Variants in ZFYVE16 observed in about 807,000 individuals in gnomAD.
ZFYVE16 encodes the protein zinc finger FYVE domain-containing protein 16.
Under a neutral mutation model 138.1 loss-of-function variants are expected in ZFYVE16, and 89 were observed. The ratio of observed to expected loss-of-function variants is 0.64; its 90% CI spans 0.54 to 0.77. The LOEUF (loss-of-function observed/expected upper bound fraction) is 0.77. Among genes scored for constraint, ZFYVE16 ranks in the 30% least tolerant of loss-of-function variants. The pLI is 0.00. For missense variants in ZFYVE16, 1,793 were observed against 1,786.7 expected, an observed-to-expected ratio of 1.00 and a Z score of -0.06; for synonymous variants, 596 against 618.3, an observed-to-expected ratio of 0.96 and a Z score of 0.53.
rs575808806 is a variant in ZFYVE16, at chr5:80,420,822, G to A, written c.-93-6670G>A. Among the ~76,000 whole-genome samples, 43 of 152,306 alleles carry A rather than the reference G, an allele frequency of 2.8e-4. 2 individuals are homozygous for A. In the South Asian group the frequency reaches 8.1e-3, roughly 29 times the overall value. On this transcript the variant is annotated intron_variant, in intron 1 of 18. Coordinates refer to ENST00000505560, the MANE Select transcript of ZFYVE16 (RefSeq NM_001284236.3). ...TTGGGTATGTACCCAGTAATGGGAT[G>A]GCTGGGTCAAATGGTATTTCTAGTT... is the stretch of plus-strand genomic sequence containing the variant.
chr5:80,413,269 C>T (rs891568732), intron 1 of ZFYVE16, among the ~76,000 whole-genome samples: 1 of 151,888 alleles, frequency 6.6e-6, no homozygotes, highest in African/African-American at 2.4e-5. Context: ...GTCGGGAGTT[C>T]GAGACCAGCC....
chr5:80,428,500 T>C (rs1047099894), intron 2 of ZFYVE16, among the ~76,000 whole-genome samples: 4 of 151,914 alleles, frequency 2.6e-5, no homozygotes, highest in Non-Finnish European at 5.9e-5. Flanking sequence ...ACCACAAAGA[T>C]GGGGAAAAAA....
intron 1 of ZFYVE16, among the ~76,000 whole-genome samples, chr5:80,415,962 G>A (rs1308852809): frequency 1.3e-5 from 2 of 151,900 alleles, no homozygotes; most frequent in South Asian, 4.2e-4. Flanking sequence ...CACCACGCCC[G>A]GCCAACTTGC....
At chr5:80,468,819 A>G (rs910162754) in intron 15 of ZFYVE16, among the ~76,000 whole-genome samples, 1 of 151,954 alleles carries the variant, frequency 6.6e-6, no homozygotes, top group Non-Finnish European at 1.5e-5. Context: ...TTATCTGTCG[A>G]TTCTTTTAGA....
chr5:80,448,709 A>C lies in ZFYVE16; in HGVS notation c.3103+305A>C, dbSNP rs1462088376. Among the ~76,000 whole-genome samples the C allele has an allele frequency of 2.0e-5, 3 of 150,900 alleles. No individual in the cohort carries two copies. The East Asian group carries it at 5.8e-4, about 29-fold the overall frequency. On this transcript the variant is annotated intron_variant, in intron 8 of 18. Transcript: ENST00000505560. ...AGAATTTTGACACTGTATTATTACT[A>C]TTTTTTTTTAGGAGCATGATACCTA...
At chr5:80,435,047 G>GTTTC (rs1749677609) in intron 3 of ZFYVE16, among the ~76,000 whole-genome samples, 1 of 150,076 alleles carries the variant, frequency 6.7e-6, no homozygotes, top group Admixed American at 6.6e-5. Flanking sequence ...TTGTTTGTTT[G>GTTTC]TTTCTGAGAC....
At chr5:80,440,794 T>C (rs1362801673) in intron 5 of ZFYVE16, 1 of 985,038 alleles carries the variant, frequency 1.0e-6, no homozygotes, top group Admixed American at 6.2e-5. Context: ...TAGCAAATAT[T>C]ACTTGGGCCT....
intron 1 of ZFYVE16, among the ~76,000 whole-genome samples, chr5:80,426,272 G>GTA (rs200176812): frequency 0.014 from 378 of 26,408 alleles, 3 homozygotes; most frequent in East Asian, 0.023. Context: ...GTGTGTGTGT[G>GTA]TATATATATA....
chr5:80,445,349 T>A lies in ZFYVE16; in HGVS notation c.2668T>A (p.Ser890Thr). 6.2e-7 allele frequency: 1 copy of A among 1,614,006 alleles called. No individual in the cohort carries two copies. The highest frequency in any genetic ancestry group is 8.5e-7 in the Non-Finnish European group (1 of 1,179,946). The change falls in exon 7 of 19, where the codon TCT (serine) becomes ACT (threonine). Residue 890 changes from serine (S) to threonine (T), a missense_variant. This residue lies in a region of ZFYVE16 where 1,295 missense variants were observed against 1,204.3 expected (regional missense o/e 1.08). Transcript: ENST00000505560. ...GEVADTTKLS[S>T]GSKRCSEDFS... ...AGTTGCAGATACAACAAAATTATCATCTGGAAGTAAAAGATGTTCTGAAGA... is the reference window on the plus strand; with the variant it reads ...AGTTGCAGATACAACAAAATTATCAACTGGAAGTAAAAGATGTTCTGAAGA...
At chr5:80,454,913 T>C (rs1752365201) in intron 11 of ZFYVE16, 2 of 152,204 alleles carry the variant, frequency 1.3e-5, no homozygotes, top group African/African-American at 4.8e-5. Flanking sequence ...TAAAAGTCTT[T>C]AGTTCTTTGT....
At chr5:80,445,199 T>C (rs259034) in intron 6 of ZFYVE16, 64 bp from the exon 7 acceptor site, 1 of 1,563,262 alleles carries the variant, frequency 6.4e-7, no homozygotes, top group Non-Finnish European at 8.7e-7. Flanking sequence ...TTCACAATCT[T>C]TTTGGCATTA....
At chr5:80,417,368 T>C (rs1480665337) in intron 1 of ZFYVE16, among the ~76,000 whole-genome samples, 1 of 152,226 alleles carries the variant, frequency 6.6e-6, no homozygotes, top group Non-Finnish European at 1.5e-5. Flanking sequence ...CCCATTCTCC[T>C]AAATAATTTT....
chr5:80,418,681 T>C (rs943923259), intron 1 of ZFYVE16, among the ~76,000 whole-genome samples: 5 of 152,158 alleles, frequency 3.3e-5, no homozygotes, highest in Non-Finnish European at 5.9e-5. Flanking sequence ...CTTAATCAGA[T>C]ATGTGTTTTG....
rs1438762906 is a variant in ZFYVE16 at position 80,449,488 on chromosome 5, A to T, written c.3104-103A>T. 2.4e-6 allele frequency: 3 copies of T among 1,230,334 alleles called. No individual in the cohort carries two copies. In the African/African-American group the frequency reaches 4.6e-5, roughly 19 times the overall value. The allele number at this position is 1,230,334 out of a possible 1,614,324, so 76.2% of individuals were successfully genotyped here. On this transcript the variant is annotated intron_variant, in intron 8 of 18. Transcript: ENST00000505560. ...TGAAACATGTTTGCTTCTGTTTTTA[A>T]ATTTGATCAGGCCACTGGTGGATTT...
intron 7 of ZFYVE16, among the ~76,000 whole-genome samples, chr5:80,447,305 ATATT>A (rs1313209014): frequency 2.7e-5 from 4 of 149,810 alleles, no homozygotes; most frequent in Non-Finnish European, 5.9e-5. Context: ...GAAAAGATGA[ATATT>A]TATCAGCTCT....
intron 11 of ZFYVE16, 141 bp downstream of exon 11, chr5:80,451,850 C>A: frequency 1.3e-6 from 1 of 777,158 alleles, no homozygotes; most frequent in Non-Finnish European, 2.0e-6. Context: ...CTAAGACAAC[C>A]CTCTTCTACT....
intron 15 of ZFYVE16, among the ~76,000 whole-genome samples, chr5:80,469,633 T>C (rs904998603): frequency 6.6e-6 from 1 of 152,210 alleles, no homozygotes; most frequent in Non-Finnish European, 1.5e-5. Flanking sequence ...TCTAGGACTC[T>C]GTCACTGTAT....
At chr5:80,459,800 T>C (rs1438736060) in intron 15 of ZFYVE16, among the ~76,000 whole-genome samples, 1 of 152,206 alleles carries the variant, frequency 6.6e-6, no homozygotes, top group Non-Finnish European at 1.5e-5. Context: ...AGTGAAATCA[T>C]TCTTCACATA....
chr5:80,436,987 ATCT>A lies in ZFYVE16; in HGVS notation c.307_309del (p.Leu103del). On this transcript the variant is annotated inframe_deletion, in exon 4 of 19. Coordinates refer to ENST00000505560, the MANE Select transcript of ZFYVE16 (RefSeq NM_001284236.3). Reference sequence around the variant, plus strand: ...AATGAAAAAAATGTAACAGGACTTGATCTTCTTTCTTCTGTGGATGGTGGTACT... The same window carrying A: ...AATGAAAAAAATGTAACAGGACTTGATCTTTCTTCTGTGGATGGTGGTACT... 1.9e-6 allele frequency: 3 copies of A among 1,614,180 alleles called. No homozygotes were observed. Among genetic ancestry groups the A allele is most frequent in the South Asian group, 1.1e-5 (1 of 91,086 alleles).
Sources: gnomAD v4.1 joint callset for allele counts (sites outside exome capture counted in the v4.1 genomes callset) on GRCh38, gnomAD v4.1.1 for gene constraint, gnomAD v4.1.1 regional missense constraint, MANE v1.5 for transcripts, NCBI Gene and HGNC (gene_info 2026-07-23, HGNC 2026-07-21) for gene names.